The following CACNA1D variants were observed in gnomAD, a reference collection of about 807,000 sequenced individuals.
CACNA1D encodes calcium voltage-gated channel subunit alpha1 D.
In CACNA1D, 55 loss-of-function variants were observed where a neutral mutation model predicts 257.1. That is an observed-to-expected ratio of 0.21 (90% CI 0.17 to 0.27). The LOEUF (loss-of-function observed/expected upper bound fraction) is 0.27, where lower values mean the gene tolerates loss of function less well. CACNA1D is among the 10% of genes least tolerant of loss of function. The pLI is 1.00. For missense variants in CACNA1D, 1,876 were observed against 2,784.0 expected, an observed-to-expected ratio of 0.67 and a Z score of 7.34; for synonymous variants, 980 against 1,014.9, an observed-to-expected ratio of 0.97 and a Z score of 0.65.
chr3:53,579,613 C>A (rs1171015772), intron 3 of CACNA1D, among the ~76,000 whole-genome samples: 2 of 152,204 alleles, frequency 1.3e-5, no homozygotes, highest in African/African-American at 4.8e-5. Flanking sequence ...ATGAACAAAA[C>A]TGCATTTACC....
chr3:53,526,648 A>G (rs981735172), intron 3 of CACNA1D, among the ~76,000 whole-genome samples: 1 of 152,236 alleles, frequency 6.6e-6, no homozygotes, highest in Non-Finnish European at 1.5e-5. Context: ...TACACAGATA[A>G]ACATTCTTAA....
At chr3:53,802,426 C>T (rs936166169) in intron 43 of CACNA1D, among the ~76,000 whole-genome samples, 2 of 152,222 alleles carry the variant, frequency 1.3e-5, no homozygotes, top group African/African-American at 4.8e-5. Flanking sequence ...TGGGCTGGCT[C>T]CTGCAGGCCT....
chr3:53,796,935 AT>A (rs764193401), intron 40 of CACNA1D, among the ~76,000 whole-genome samples: 2 of 152,220 alleles, frequency 1.3e-5, no homozygotes, highest in African/African-American at 2.4e-5. Flanking sequence ...ATGACTTTAT[AT>A]GGCTTTAATT....
At chr3:53,722,495 T>C in intron 12 of CACNA1D, 21 bp downstream of exon 12, 1 of 1,612,772 alleles carries the variant, frequency 6.2e-7, no homozygotes. Flanking sequence ...AGGCCATTCC[T>C]TTTTTGTTCT....
intron 3 of CACNA1D, among the ~76,000 whole-genome samples, chr3:53,609,774 G>A (rs562683899): frequency 1.4e-4 from 21 of 151,696 alleles, no homozygotes; most frequent in African/African-American, 4.4e-4. Context: ...TTACTTTTGC[G>A]CTTGCCGTTG....
chr3:53,736,926 G>A (rs868613032), intron 20 of CACNA1D, among the ~76,000 whole-genome samples: 2 of 151,696 alleles, frequency 1.3e-5, no homozygotes, highest in African/African-American at 2.4e-5. Context: ...CTAGATTTTG[G>A]TGTGGCAGAG....
intron 8 of CACNA1D, among the ~76,000 whole-genome samples, chr3:53,678,451 C>T (rs2094397091): frequency 6.6e-6 from 1 of 152,156 alleles, no homozygotes. Flanking sequence ...GTTCCAGATC[C>T]TACCAGATCA....
intron 3 of CACNA1D, among the ~76,000 whole-genome samples, chr3:53,586,538 C>T (rs943858640): frequency 1.3e-5 from 2 of 151,838 alleles, no homozygotes; most frequent in African/African-American, 2.4e-5. Context: ...TTTTAAAGTC[C>T]CCATGGTCCA....
At chr3:53,541,274 A>G (rs192932640) in intron 3 of CACNA1D, among the ~76,000 whole-genome samples, 79 of 152,360 alleles carry the variant, frequency 5.2e-4, no homozygotes, top group Non-Finnish European at 2.2e-4. Context: ...TAGGAGGTCT[A>G]ACTGGCCATA....
At chr3:53,521,587 C>G (rs2091578443) in intron 3 of CACNA1D, among the ~76,000 whole-genome samples, 1 of 152,084 alleles carries the variant, frequency 6.6e-6, no homozygotes, top group Non-Finnish European at 1.5e-5. Context: ...TCAGTTTCCA[C>G]CCCACTGTTT....
intron 3 of CACNA1D, among the ~76,000 whole-genome samples, chr3:53,603,344 C>T (rs2107894512): frequency 6.6e-6 from 1 of 152,324 alleles, no homozygotes; most frequent in East Asian, 1.9e-4. Context: ...GTTTGAATCG[C>T]ACCTCGGATA....
chr3:53,702,254 G>C (rs1000231470), intron 8 of CACNA1D, among the ~76,000 whole-genome samples: 1 of 152,216 alleles, frequency 6.6e-6, no homozygotes, highest in African/African-American at 2.4e-5. Flanking sequence ...TGGCCCATTT[G>C]GGTCCCTCCT....
At chr3:53,686,099 A>G (rs1308111193) in intron 8 of CACNA1D, among the ~76,000 whole-genome samples, 1 of 152,090 alleles carries the variant, frequency 6.6e-6, no homozygotes, top group South Asian at 2.1e-4. Flanking sequence ...AAACTTGGTA[A>G]CTTAGGAGAA....
rs899802931 is a variant in CACNA1D, at chr3:53,718,360, G to A, written c.1450G>A (p.Glu484Lys). ...VNTENVSGEG[E>K]NRGCCGSLCQ... ...CACAGAGAACGTCAGCGGTGAAGGC[G>A]AGAACCGAGGCTGCTGTGGAAGTCT... The change falls in exon 10 of 48, where the codon GAG becomes AAG. Residue 484 changes from glutamate to lysine, a missense_variant. Around this residue, in one of 10 missense-constraint regions of CACNA1D, gnomAD observed 257 missense variants for 399.7 expected, o/e 0.64. Transcript: ENST00000350061. 1.2e-5 allele frequency: 20 copies of A among 1,614,050 alleles called. No homozygotes were observed. The highest frequency in any genetic ancestry group is 6.7e-5 in the Admixed American group (4 of 60,010).
chr3:53,803,111 A>G (rs1337366088), intron 43 of CACNA1D, among the ~76,000 whole-genome samples: 3 of 151,946 alleles, frequency 2.0e-5, no homozygotes, highest in Non-Finnish European at 4.4e-5. Flanking sequence ...CCCTAGGTCC[A>G]TTTTTTTGTT....
chr3:53,595,076 A>G (rs942250456), intron 3 of CACNA1D, among the ~76,000 whole-genome samples: 5 of 152,180 alleles, frequency 3.3e-5, no homozygotes, highest in African/African-American at 4.8e-5. Context: ...CATGTTGTCT[A>G]TACATTGGTC....
rs1237932664 is a variant in CACNA1D at position 53,809,960 on chromosome 3, A to C, written c.5872-18A>C. 1.9e-6 allele frequency: 3 copies of C among 1,611,062 alleles called. No homozygotes were observed. Among genetic ancestry groups the C allele is most frequent in the Non-Finnish European group, 2.5e-6 (3 of 1,177,328 alleles). On this transcript the variant is annotated intron_variant, in intron 46 of 47. Transcript: ENST00000350061. ...CTCTGAGAACCTCTGGTCTCCCAAC[A>C]GTCCCCTCTTTCCTCAGATCATGGC...
At chr3:53,564,475 T>C (rs1391408333) in intron 3 of CACNA1D, among the ~76,000 whole-genome samples, 1 of 152,224 alleles carries the variant, frequency 6.6e-6, no homozygotes, top group Non-Finnish European at 1.5e-5. Context: ...TAAACTTCTT[T>C]ATGTGCTCTG....
Position 53,531,556 on chromosome 3 carries a change from G to T in CACNA1D, c.483+29836G>T, listed in dbSNP as rs1455368214. 2.0e-5 allele frequency among the ~76,000 whole-genome samples: 3 copies of T among 152,142 alleles called. No homozygotes were observed. In the East Asian group the frequency reaches 5.8e-4, roughly 29 times the overall value. On this transcript the variant is annotated intron_variant, in intron 3 of 47. Coordinates refer to ENST00000350061, the MANE Select transcript of CACNA1D (RefSeq NM_001128840.3). ...GAAACAAAGTTAAATGATTTGGTGG[G>T]GGCTTGATTTCTCTGGATTGACCCC... is the stretch of plus-strand genomic sequence containing the variant.
Sources: gnomAD v4.1 joint callset for allele counts (sites outside exome capture counted in the v4.1 genomes callset) on GRCh38, gnomAD v4.1.1 for gene constraint, gnomAD v4.1.1 regional missense constraint, MANE v1.5 for transcripts, NCBI Gene and HGNC (gene_info 2026-07-23, HGNC 2026-07-21) for gene names.